Variants in PLRG1 observed in about 807,000 individuals in gnomAD.
PLRG1 encodes pleiotropic regulator 1, also known as pleiotropic regulator 1 (PRL1 homolog, Arabidopsis).
Under a neutral mutation model 74.9 loss-of-function variants are expected in PLRG1, and 28 were observed. The ratio of observed to expected loss-of-function variants is 0.37; its 90% CI spans 0.28 to 0.51. The LOEUF is 0.51. Among genes scored for constraint, PLRG1 ranks in the 20% least tolerant of loss-of-function variants. PLRG1 has a pLI of 0.91. For synonymous variants in PLRG1, 197 were observed against 212.4 expected, an observed-to-expected ratio of 0.93 and a Z score of 0.63; for missense variants, 445 against 631.9, an observed-to-expected ratio of 0.70 and a Z score of 3.17.
chr4:154,537,074 A>G (rs113249639), intron 14 of PLRG1, among the ~76,000 whole-genome samples: 91 of 152,270 alleles, frequency 6.0e-4, no homozygotes, highest in African/African-American at 2.0e-3. Flanking sequence ...TTTCCCAGCA[A>G]CTATAACAAA....
At chr4:154,546,295 A>G (rs1283284811) in intron 4 of PLRG1, 82 bp from the exon 5 acceptor site, 2 of 731,446 alleles carry the variant, frequency 2.7e-6, no homozygotes, top group Non-Finnish European at 4.9e-6. Flanking sequence ...ATGAAGGAAA[A>G]CATACACCAA....
chr4:154,542,005 G>A, intron 8 of PLRG1, 182 bp downstream of exon 8: 1 of 558,350 alleles, frequency 1.8e-6, no homozygotes, highest in South Asian at 2.6e-5. Flanking sequence ...GGTTTAAATA[G>A]CACTTTTCAA....
At chr4:154,549,579 T>C (rs544780996) in intron 1 of PLRG1, 9 of 422,194 alleles carry the variant, frequency 2.1e-5, no homozygotes, top group Admixed American at 5.1e-5. Context: ...GTAAGGTCTT[T>C]TAGACTATTA....
intron 12 of PLRG1, 133 bp downstream of exon 12, chr4:154,538,972 G>A (rs1729506168): frequency 3.3e-6 from 2 of 610,108 alleles, no homozygotes; most frequent in East Asian, 2.6e-5. Flanking sequence ...AGAAACACAC[G>A]TTCCTATGCG....
chr4:154,541,786 A>G (rs1376485848), intron 8 of PLRG1, among the ~76,000 whole-genome samples: 2 of 152,202 alleles, frequency 1.3e-5, no homozygotes, highest in Admixed American at 1.3e-4. Flanking sequence ...AAGTGAAGGT[A>G]TTGATACTTA....
intron 3 of PLRG1, 192 bp downstream of exon 3, chr4:154,547,519 T>C (rs1229563670): frequency 8.3e-6 from 5 of 599,138 alleles, no homozygotes; most frequent in Non-Finnish European, 1.5e-5. Context: ...CTACCATTTT[T>C]ATTTCCTATA....
At chr4:154,539,477 AC>A (rs2111101315) in intron 11 of PLRG1, among the ~76,000 whole-genome samples, 1 of 152,192 alleles carries the variant, frequency 6.6e-6, no homozygotes, top group Admixed American at 6.5e-5. Context: ...ATAATTGTAT[AC>A]CCTAGTGAAA....
intron 9 of PLRG1, 27 bp from the exon 10 acceptor site, chr4:154,540,722 C>G: frequency 2.5e-6 from 4 of 1,609,362 alleles, no homozygotes; most frequent in Non-Finnish European, 3.4e-6. Context: ...AAAGTTAAAA[C>G]TTCTAGAATT....
At chr4:154,543,825 T>G (rs868774774) in intron 7 of PLRG1, 5 of 152,376 alleles carry the variant, frequency 3.3e-5, no homozygotes, top group Middle Eastern at 6.8e-3. Flanking sequence ...TCCTACTATG[T>G]ACATTTTCTT....
rs1015574283 is a variant in PLRG1 at position 154,550,245 on chromosome 4, C to G, written c.9+55G>C. 2.0e-6 allele frequency: 3 copies of G among 1,530,818 alleles called. No individual in the cohort carries two copies. In the African/African-American group the frequency reaches 4.2e-5, roughly 21 times the overall value. The allele number at this position is 1,530,818 out of a possible 1,614,324, so 94.8% of individuals were successfully genotyped here. ...TACTCTCAATCCCCCACGCGCACTG[C>G]CAAAAAAAACAGTCCAGAGACAAAC... is the stretch of plus-strand genomic sequence containing the variant. On this transcript the variant is annotated intron_variant, in intron 1 of 14. Transcript: ENST00000499023.
At position 154,537,350 on chromosome 4, in the gene PLRG1, T is replaced by G. The variant is rs542285657; in HGVS notation, c.1421A>C (p.Glu474Ala). 6 of 1,613,392 alleles carry G rather than the reference T, an allele frequency of 3.7e-6. No individual in the cohort carries two copies. The African/African-American group carries it at 6.7e-5, about 18-fold the overall frequency. Residue 474 changes from glutamate (E) to alanine (A), a missense_variant, in exon 14 of 15, where the codon GAA (glutamate) becomes GCA (alanine). Physicochemically the swap from Glu to Ala is moderately radical, Grantham distance 107. Coordinates refer to ENST00000499023, the MANE Select transcript of PLRG1 (RefSeq NM_002669.4). ...GIFACAFDQS[E>A]SRLLTAEADK... ...AGCTTCAGCTGTTAGTAATCGACTT[T>G]CAGACTGATCAAAAGCACAAGCAAA...
At chr4:154,544,063 A>G in intron 7 of PLRG1, 1 of 169,366 alleles carries the variant, frequency 5.9e-6, no homozygotes, top group South Asian at 1.4e-4. Context: ...TTTAGATGAT[A>G]CACTCTGAAT....
At chr4:154,544,416 C>G (rs1372163584) in intron 7 of PLRG1, 29 bp downstream of exon 7, 2 of 1,183,902 alleles carry the variant, frequency 1.7e-6, no homozygotes, top group Admixed American at 3.4e-5. Flanking sequence ...TCATGGTTCA[C>G]ATAATAAAAT....
At chr4:154,541,000 G>T in intron 8 of PLRG1, 66 bp from the exon 9 acceptor site, 1 of 1,171,420 alleles carries the variant, frequency 8.5e-7, no homozygotes, top group South Asian at 1.9e-5. Context: ...TTAGAAACCT[G>T]ATTATTAAAA....
intron 7 of PLRG1, chr4:154,544,026 T>G (rs1729603407): frequency 6.1e-6 from 1 of 164,346 alleles, no homozygotes; most frequent in Non-Finnish European, 1.3e-5. Flanking sequence ...TATGTGCTGC[T>G]GAAGTTAGCA....
chr4:154,546,045 T>C (rs946412339), intron 5 of PLRG1, 78 bp downstream of exon 5: 2 of 1,104,902 alleles, frequency 1.8e-6, no homozygotes, highest in East Asian at 2.6e-5. Context: ...ATATAATAGT[T>C]ATAAAGAAAT....
chr4:154,548,956 T>A, intron 1 of PLRG1, 21 bp from the exon 2 acceptor site: 1 of 1,269,282 alleles, frequency 7.9e-7, no homozygotes, highest in African/African-American at 1.5e-5. Flanking sequence ...AGAATGTAAT[T>A]ACACACCTAT....
chr4:154,550,034 G>A (rs1237834303), intron 1 of PLRG1, among the ~76,000 whole-genome samples: 1 of 152,188 alleles, frequency 6.6e-6, no homozygotes, highest in Non-Finnish European at 1.5e-5. Flanking sequence ...CGCCTCCGAG[G>A]ACACTTTCCA....
rs921902412 is a variant in PLRG1 at position 154,536,628 on chromosome 4, G to A, written c.*57C>T. 1.1e-6 allele frequency: 1 copy of A among 905,348 alleles called. No homozygotes were observed. The highest frequency in any genetic ancestry group is 1.7e-6 in the Non-Finnish European group (1 of 577,156). The allele number at this position is 905,348 out of a possible 1,614,324, so 56.1% of individuals were successfully genotyped here. On this transcript the variant is annotated 3_prime_UTR_variant, in exon 15 of 15. Coordinates refer to ENST00000499023, the MANE Select transcript of PLRG1 (RefSeq NM_002669.4). ...GACTGGATATCCTCATGAACGCCAAGCTTTTTTTTTTTTAATTAAAAAGAA... is the reference window on the plus strand; with the variant it reads ...GACTGGATATCCTCATGAACGCCAAACTTTTTTTTTTTTAATTAAAAAGAA...
Sources: gnomAD v4.1 joint callset for allele counts (sites outside exome capture counted in the v4.1 genomes callset) on GRCh38, gnomAD v4.1.1 for gene constraint, MANE v1.5 for transcripts, NCBI Gene and HGNC (gene_info 2026-07-23, HGNC 2026-07-21) for gene names.